Variants in HRH2 observed in about 807,000 individuals in gnomAD.
HRH2 encodes histamine H2 receptor.
HRH2 carries 4 observed loss-of-function variants against 20.1 expected under a neutral mutation model. The ratio of observed to expected loss-of-function variants is 0.20; its 90% confidence interval spans 0.10 to 0.45. The LOEUF (loss-of-function observed/expected upper bound fraction) is 0.45, where lower values mean the gene tolerates loss of function less well. Among genes scored for constraint, HRH2 ranks in the 20% least tolerant of loss-of-function variants. HRH2 has a pLI of 0.99. For missense variants in HRH2, 250 were observed against 461.6 expected (o/e 0.54, Z 4.20); for synonymous variants, 197 against 200.7 (o/e 0.98, Z 0.16).
intron 2 of HRH2, chr5:175,684,511 T>C (rs953125069): frequency 1.2e-5 from 4 of 323,794 alleles, no homozygotes; most frequent in Non-Finnish European, 1.8e-5. Flanking sequence ...AAGGAGCACA[T>C]TAAAATTCTC....
At chr5:175,660,879 G>T (rs140274562) in intron 1 of HRH2, among the ~76,000 whole-genome samples, 16 of 152,126 alleles carry the variant, frequency 1.1e-4, no homozygotes, top group Non-Finnish European at 1.8e-4. Context: ...TGTCAATTTG[G>T]TAATACAGAT....
intron 1 of HRH2, among the ~76,000 whole-genome samples, chr5:175,662,815 A>C (rs1762777084): frequency 6.6e-6 from 1 of 151,994 alleles, no homozygotes; most frequent in Non-Finnish European, 1.5e-5. Context: ...CCACATTAGC[A>C]CTCACCCTCT....
chr5:175,665,730 G>A (rs149177254), intron 1 of HRH2, among the ~76,000 whole-genome samples: 3 of 152,314 alleles, frequency 2.0e-5, no homozygotes, highest in African/African-American at 7.2e-5. Context: ...ACCAGTGAAT[G>A]TGATGTCAAC....
chr5:175,701,263 G>C (rs1409071956), intron 2 of HRH2, among the ~76,000 whole-genome samples: 1 of 152,206 alleles, frequency 6.6e-6, no homozygotes. Flanking sequence ...AAACACGGGA[G>C]TCAGATTCAA....
chr5:175,669,976 A>G (rs943143199), intron 1 of HRH2, among the ~76,000 whole-genome samples: 10 of 152,176 alleles, frequency 6.6e-5, no homozygotes, highest in African/African-American at 1.9e-4. Flanking sequence ...AAGGAGCCCA[A>G]ATTTTACTAA....
rs1216616384 is a variant in HRH2, at chr5:175,681,270, G to A, written c.-525-1439G>A. 6.6e-6 allele frequency among the ~76,000 whole-genome samples: 1 copy of A among 152,230 alleles called. No individual in the cohort carries two copies. The highest frequency in any genetic ancestry group is 1.5e-5 in the Non-Finnish European group (1 of 68,036). On this transcript the variant is annotated intron_variant, in intron 1 of 2. Coordinates refer to ENST00000636584, the MANE Select transcript of HRH2 (RefSeq NM_001367711.1). The surrounding 1 kb of genome is among the most constrained non-coding windows in gnomAD (Gnocchi z 4.3). Reference sequence around the variant, plus strand: ...ACTGGTGGCTGAGCCAGGGAGCGTGGCAGAAGGTGATCGGGAACCCTGATC... The same window carrying A: ...ACTGGTGGCTGAGCCAGGGAGCGTGACAGAAGGTGATCGGGAACCCTGATC...
chr5:175,665,915 A>G (rs1251258907), intron 1 of HRH2, among the ~76,000 whole-genome samples: 2 of 152,194 alleles, frequency 1.3e-5, no homozygotes, highest in South Asian at 2.1e-4. Context: ...GAAAAAAAAA[A>G]GAGCCAACAG....
At chr5:175,665,553 C>T (rs1266084990) in intron 1 of HRH2, among the ~76,000 whole-genome samples, 1 of 152,150 alleles carries the variant, frequency 6.6e-6, no homozygotes, top group African/African-American at 2.4e-5. Flanking sequence ...GTCCTGGCTA[C>T]AAGACCACTG....
rs903240562 is a variant in HRH2 at position 175,686,356 on chromosome 5, A to C, written c.1076+2047A>C. The C allele has an allele frequency of 6.6e-6, 1 of 152,220 alleles. No homozygotes were observed. Among genetic ancestry groups the C allele is most frequent in the Non-Finnish European group, 1.5e-5 (1 of 68,048 alleles). The allele number at this position is 152,220 out of a possible 1,614,324, so 9.4% of individuals were successfully genotyped here. On this transcript the variant is annotated intron_variant, in intron 2 of 2. Transcript: ENST00000636584. This position sits in a 1 kb window ranked among gnomAD's most constrained non-coding sequence, Gnocchi z 4.7. ...GTTGAGTCCTTAAGGGAACTTATTC[A>C]TTCAATAAGCACTTAACAACAATAG...
At chr5:175,689,240 C>T (rs990606293) in intron 2 of HRH2, among the ~76,000 whole-genome samples, 7 of 152,226 alleles carry the variant, frequency 4.6e-5, no homozygotes, top group South Asian at 2.1e-4. Context: ...TGCCCTGCCA[C>T]GACCTCCTCT....
chr5:175,701,673 C>T (rs1163444548), intron 2 of HRH2, among the ~76,000 whole-genome samples: 1 of 152,130 alleles, frequency 6.6e-6, no homozygotes, highest in Non-Finnish European at 1.5e-5. Flanking sequence ...ACGTGCCCAA[C>T]CCTGAAGCCA....
At chr5:175,685,088 AG>A (rs1240976778) in intron 2 of HRH2, among the ~76,000 whole-genome samples, 3 of 152,192 alleles carry the variant, frequency 2.0e-5, no homozygotes, top group Non-Finnish European at 4.4e-5. Context: ...AGATCTTAAA[AG>A]CTTGCAGACT....
At position 175,708,759 on chromosome 5, in the gene HRH2, C is replaced by T. The variant is rs928420694; in HGVS notation, c.*788C>T. ...ATTTCCTTGACTCAGCCACCTTCCT[C>T]CTAGCAAGGCTTAGACCCCCAGGCT... On this transcript the variant is annotated 3_prime_UTR_variant, in exon 3 of 3. Transcript: ENST00000636584. The T allele has an allele frequency of 5.3e-5, 8 of 152,340 alleles. No homozygotes were observed. Among genetic ancestry groups the T allele is most frequent in the African/African-American group, 1.9e-4 (8 of 41,538 alleles). 9.4% of individuals were successfully genotyped at this position (152,340 alleles called of 1,614,324 possible). A position where few individuals can be genotyped will look rare whatever the true frequency, so the allele number is the denominator to read the frequency against.
intron 2 of HRH2, chr5:175,685,517 G>A: frequency 6.6e-7 from 1 of 1,526,708 alleles, no homozygotes; most frequent in African/African-American, 1.4e-5. Context: ...CCACATGCCA[G>A]GAATTATGAT....
At chr5:175,665,315 G>A (rs1251798144) in intron 1 of HRH2, among the ~76,000 whole-genome samples, 1 of 152,204 alleles carries the variant, frequency 6.6e-6, no homozygotes, top group Non-Finnish European at 1.5e-5. Flanking sequence ...CCAGGTGGCT[G>A]GAGAGGGGGA....
At chr5:175,704,530 A>G (rs576872486) in intron 2 of HRH2, among the ~76,000 whole-genome samples, 31 of 152,292 alleles carry the variant, frequency 2.0e-4, no homozygotes, top group Non-Finnish European at 4.3e-4. Context: ...CTAACAAACC[A>G]CTTCTAAAAT....
At chr5:175,676,262 T>C (rs142553936) in intron 1 of HRH2, among the ~76,000 whole-genome samples, 116 of 152,348 alleles carry the variant, frequency 7.6e-4, no homozygotes, top group Middle Eastern at 3.4e-3. Context: ...AGAAAATGCT[T>C]CCTTCCACAA....
rs916815919 is a variant in HRH2 at position 175,686,412 on chromosome 5, C to G, written c.1076+2103C>G. 3.3e-5 allele frequency among the ~76,000 whole-genome samples: 5 copies of G among 152,180 alleles called. No homozygotes were observed. The highest frequency in any genetic ancestry group is 7.3e-5 in the Non-Finnish European group (5 of 68,044). ...ATTCATTGAGCATCCACTACTGGCC[C>G]GTTTCAGATGTCTGACATTGTTTCT... On this transcript the variant is annotated intron_variant, in intron 2 of 2. Coordinates refer to ENST00000636584, the MANE Select transcript of HRH2 (RefSeq NM_001367711.1). The surrounding 1 kb of genome is among the most constrained non-coding windows in gnomAD (Gnocchi z 4.7).
At chr5:175,662,412 C>T (rs1394318219) in intron 1 of HRH2, among the ~76,000 whole-genome samples, 1 of 152,122 alleles carries the variant, frequency 6.6e-6, no homozygotes, top group East Asian at 1.9e-4. Flanking sequence ...GGACAGCCCT[C>T]ATAACAAAAA....
Sources: allele counts gnomAD v4.1 joint callset (sites outside exome capture counted in the v4.1 genomes callset), GRCh38; gene constraint gnomAD v4.1.1; non-coding constraint Gnocchi (gnomAD v3.1); transcripts MANE v1.5; gene names NCBI Gene and HGNC (gene_info 2026-07-23, HGNC 2026-07-21).